The following MPPED1 variants were observed in gnomAD, a reference collection of about 807,000 sequenced individuals.
The protein encoded by MPPED1 is metallophosphoesterase domain containing 1, also known as metallophosphoesterase domain-containing protein 1.
Under a neutral mutation model 36.2 loss-of-function variants are expected in MPPED1, and 16 were observed. The observed-to-expected ratio is 0.44, with a 90% CI of 0.30 to 0.67. The LOEUF is 0.67. Ranked by LOEUF, MPPED1 falls within the 30% of genes least tolerant of loss-of-function variation. MPPED1 has a pLI of 0.10. For missense variants in MPPED1, 307 were observed against 453.4 expected (o/e 0.68, Z 2.93); for synonymous variants, 199 against 191.3 (o/e 1.04, Z -0.33).
intron 3 of MPPED1, among the ~76,000 whole-genome samples, chr22:43,442,010 C>G (rs1249921958): frequency 6.6e-6 from 1 of 152,164 alleles, no homozygotes; most frequent in East Asian, 1.9e-4. Context: ...TCGCCCTCCC[C>G]TTGCAGGAGC....
intron 2 of MPPED1, among the ~76,000 whole-genome samples, chr22:43,431,618 C>A (rs1333630764): frequency 6.6e-6 from 1 of 152,148 alleles, no homozygotes; most frequent in Non-Finnish European, 1.5e-5. Context: ...TAGCTAAGAT[C>A]ATGGACAAGT....
intron 3 of MPPED1, among the ~76,000 whole-genome samples, chr22:43,470,056 A>G (rs1224527242): frequency 4.0e-5 from 6 of 150,570 alleles, no homozygotes; most frequent in Non-Finnish European, 7.4e-5. Context: ...ATATATCCAT[A>G]CATATATAAA....
intron 2 of MPPED1, among the ~76,000 whole-genome samples, chr22:43,432,631 GAGAGAGAGAGAGGGAA>G (rs1929765149): frequency 1.6e-3 from 1 of 638 alleles, no homozygotes; most frequent in Non-Finnish European, 3.0e-3. Flanking sequence ...AAGGGGAGGA[GAGAGAGAGAGAGGGAA>G]AGAGAAAGGG....
At chr22:43,475,590 T>A in intron 4 of MPPED1, among the ~76,000 whole-genome samples, 1 of 137,936 alleles carries the variant, frequency 7.2e-6, no homozygotes. Flanking sequence ...GTGGTGGTGG[T>A]GGTGATGGTG....
chr22:43,462,818 C>T (rs1468722407), intron 3 of MPPED1, among the ~76,000 whole-genome samples: 1 of 152,136 alleles, frequency 6.6e-6, no homozygotes, highest in Non-Finnish European at 1.5e-5. Context: ...AGATGGCCAT[C>T]ATCTCCTTTC....
chr22:43,444,277 GGGGTGTGT>G (rs1413797073), intron 3 of MPPED1, among the ~76,000 whole-genome samples: 1 of 86,990 alleles, frequency 1.1e-5, no homozygotes, highest in Non-Finnish European at 2.3e-5. Context: ...GAGACCCACT[GGGGTGTGT>G]GTGTGTGTGT....
At chr22:43,444,593 A>C (rs4820526) in intron 3 of MPPED1, among the ~76,000 whole-genome samples, 76,600 of 151,592 alleles carry the variant, frequency 0.51, 19,989 homozygotes, top group Non-Finnish European at 0.55. Flanking sequence ...GAACTCCTGA[A>C]CTCAGGTGGC....
At chr22:43,470,078 GCCACCCAT>G (rs1931316079) in intron 3 of MPPED1, among the ~76,000 whole-genome samples, 1 of 120,208 alleles carries the variant, frequency 8.3e-6, no homozygotes, top group African/African-American at 2.8e-5. Flanking sequence ...CATCCATCCA[GCCACCCAT>G]CCATCCATCC....
chr22:43,421,243 G>C (rs946660913), intron 1 of MPPED1, among the ~76,000 whole-genome samples: 1 of 152,266 alleles, frequency 6.6e-6, no homozygotes, highest in Non-Finnish European at 1.5e-5. Flanking sequence ...CTCCTCGCAC[G>C]GTGGCTAACG....
At chr22:43,441,372 G>T (rs1277566546) in intron 3 of MPPED1, among the ~76,000 whole-genome samples, 1 of 152,162 alleles carries the variant, frequency 6.6e-6, no homozygotes, top group Admixed American at 6.5e-5. Flanking sequence ...CACCTGCTGA[G>T]CTGCTGTGGG....
At chr22:43,467,025 A>G (rs929895690) in intron 3 of MPPED1, among the ~76,000 whole-genome samples, 3 of 152,228 alleles carry the variant, frequency 2.0e-5, no homozygotes, top group African/African-American at 7.2e-5. Flanking sequence ...GTGCAGAAGT[A>G]TAGGTACAGC....
Position 43,459,990 on chromosome 22 carries a change from C to T in MPPED1, c.407-14746C>T, listed in dbSNP as rs191071811. Among the ~76,000 whole-genome samples the T allele has an allele frequency of 2.3e-3, 346 of 151,936 alleles. 1 individual carries two copies. Among genetic ancestry groups the T allele is most frequent in the African/African-American group, 8.1e-3 (336 of 41,454 alleles). On this transcript the variant is annotated intron_variant, in intron 3 of 6. Transcript: ENST00000443721. ...TTGGGAGGCCAAGGCGAGTGGATCA[C>T]GAGGTCAAGAGATCGAGACCATCCT...
At chr22:43,426,550 G>A (rs1018230383) in intron 2 of MPPED1, among the ~76,000 whole-genome samples, 5 of 152,170 alleles carry the variant, frequency 3.3e-5, no homozygotes, top group South Asian at 4.1e-4. Context: ...CATCCCAGCC[G>A]CTGTCCCTCG....
At chr22:43,477,323 T>C (rs1601998433) in intron 4 of MPPED1, among the ~76,000 whole-genome samples, 1 of 152,192 alleles carries the variant, frequency 6.6e-6, no homozygotes, top group African/African-American at 2.4e-5. Context: ...TCTCAGGCCC[T>C]GTCTGGGGCT....
At chr22:43,456,482 C>G (rs888187043) in intron 3 of MPPED1, among the ~76,000 whole-genome samples, 1 of 152,016 alleles carries the variant, frequency 6.6e-6, no homozygotes, top group Non-Finnish European at 1.5e-5. Flanking sequence ...TCTTCTATTC[C>G]CAGTTTGTTA....
chr22:43,472,812 C>T (rs1451394435), intron 3 of MPPED1, among the ~76,000 whole-genome samples: 2 of 152,352 alleles, frequency 1.3e-5, no homozygotes, highest in African/African-American at 2.4e-5. Context: ...CGGCACAGGT[C>T]TCATCTAGCT....
rs1442237057 is a variant in MPPED1 at position 43,505,850 on chromosome 22, C to A, written c.*234C>A. The A allele has an allele frequency of 2.0e-6, 1 of 499,440 alleles. No individual in the cohort carries two copies. The highest frequency in any genetic ancestry group is 3.6e-6 in the Non-Finnish European group (1 of 279,946). The allele number at this position is 499,440 out of a possible 1,614,324, so 30.9% of individuals were successfully genotyped here. On this transcript the variant is annotated 3_prime_UTR_variant, in exon 7 of 7. Coordinates refer to ENST00000443721, the MANE Select transcript of MPPED1 (RefSeq NM_001044370.2). ...TTACTTTTTCTGCGTGTACATCCTG[C>A]GTGTACCTCGTTAAAGGACCTACTA... is the stretch of plus-strand genomic sequence containing the variant.
chr22:43,496,164 A>T (rs1163872308), intron 4 of MPPED1, among the ~76,000 whole-genome samples: 8 of 30,938 alleles, frequency 2.6e-4, no homozygotes, highest in Non-Finnish European at 3.6e-4. Flanking sequence ...GTGGTGGTGG[A>T]GGTGGTGATG....
At chr22:43,460,570 G>A (rs183083896) in intron 3 of MPPED1, among the ~76,000 whole-genome samples, 10 of 152,206 alleles carry the variant, frequency 6.6e-5, no homozygotes, top group Admixed American at 6.5e-4. Context: ...GTTTGTTGTT[G>A]TTTATTTAGT....
Sources: gnomAD v4.1 joint callset for allele counts (sites outside exome capture counted in the v4.1 genomes callset) on GRCh38, gnomAD v4.1.1 for gene constraint, MANE v1.5 for transcripts, NCBI Gene and HGNC (gene_info 2026-07-23, HGNC 2026-07-21) for gene names.